Variants in NLGN1 observed in about 807,000 individuals in gnomAD.
NLGN1 encodes neuroligin 1, also known as neuroligin-1.
A neutral mutation model predicts 65.5 loss-of-function variants in NLGN1; 12 were observed. The ratio of observed to expected loss-of-function variants is 0.18; its 90% CI spans 0.12 to 0.30. NLGN1 has a LOEUF of 0.30. NLGN1 is among the 10% of genes least tolerant of loss of function. NLGN1 has a pLI of 1.00. For missense variants in NLGN1, 750 were observed against 1,007.1 expected, an observed-to-expected ratio of 0.74 and a Z score of 3.46; for synonymous variants, 350 against 359.5, an observed-to-expected ratio of 0.97 and a Z score of 0.30.
At chr3:173,835,888 A>G (rs981402427) in intron 4 of NLGN1, among the ~76,000 whole-genome samples, 1 of 152,168 alleles carries the variant, frequency 6.6e-6, no homozygotes, top group African/African-American at 2.4e-5. Flanking sequence ...ATATCTTTAT[A>G]TATACATTAG....
intron 4 of NLGN1, among the ~76,000 whole-genome samples, chr3:173,871,424 G>C (rs1033913898): frequency 1.1e-4 from 16 of 152,142 alleles, no homozygotes; most frequent in African/African-American, 3.9e-4. Flanking sequence ...TGTTTACTCA[G>C]TGAAGATTTT....
intron 4 of NLGN1, among the ~76,000 whole-genome samples, chr3:174,189,947 GTTT>G (rs1732077931): frequency 2.0e-5 from 3 of 151,948 alleles, no homozygotes; most frequent in Non-Finnish European, 4.4e-5. Flanking sequence ...TATTACAATT[GTTT>G]TACAAAAAGT....
intron 4 of NLGN1, among the ~76,000 whole-genome samples, chr3:173,890,977 G>A (rs906278739): frequency 6.6e-6 from 1 of 152,158 alleles, no homozygotes; most frequent in South Asian, 2.1e-4. Context: ...TTATCTTGAA[G>A]GGAATAATGT....
rs1032204302 is a variant in NLGN1, at chr3:173,722,910, T to C, written c.494-84770T>C. On this transcript the variant is annotated intron_variant, in intron 3 of 6. Coordinates refer to ENST00000457714, the Ensembl canonical transcript of NLGN1. ...ACAATAAATGAAAGAAAAATAAAAA[T>C]ATAAAACGTGGAAAAATTAATTTGA... 2.0e-5 allele frequency among the ~76,000 whole-genome samples: 3 copies of C among 152,120 alleles called. No individual in the cohort carries two copies. In the East Asian group the frequency reaches 5.8e-4, roughly 29 times the overall value.
chr3:173,933,026 A>G (rs1193765690), intron 4 of NLGN1, among the ~76,000 whole-genome samples: 1 of 152,186 alleles, frequency 6.6e-6, no homozygotes, highest in Non-Finnish European at 1.5e-5. Context: ...TCAAAGAATC[A>G]CAAGAAGTCC....
intron 5 of NLGN1, among the ~76,000 whole-genome samples, chr3:174,276,990 T>C (rs1390712233): frequency 6.6e-6 from 1 of 151,876 alleles, no homozygotes; most frequent in Non-Finnish European, 1.5e-5. Flanking sequence ...CGGGCATTGG[T>C]TTAAGAGATG....
intron 4 of NLGN1, among the ~76,000 whole-genome samples, chr3:173,878,317 G>T (rs565668611): frequency 6.6e-6 from 1 of 152,286 alleles, no homozygotes; most frequent in South Asian, 2.1e-4. Context: ...AGGGATTACA[G>T]GCGTGAGCCA....
At chr3:173,668,155 A>G (rs996149464) in intron 3 of NLGN1, among the ~76,000 whole-genome samples, 2 of 152,194 alleles carry the variant, frequency 1.3e-5, no homozygotes, top group African/African-American at 4.8e-5. Context: ...ATTTGTCCAG[A>G]TTATTATGAG....
chr3:173,857,072 T>C (rs1728132874), intron 4 of NLGN1, among the ~76,000 whole-genome samples: 1 of 151,500 alleles, frequency 6.6e-6, no homozygotes, highest in African/African-American at 2.4e-5. Flanking sequence ...ATTTCTTATG[T>C]AGCTCATCTT....
chr3:174,001,165 A>C (rs1322969251), intron 4 of NLGN1, among the ~76,000 whole-genome samples: 1 of 152,208 alleles, frequency 6.6e-6, no homozygotes, highest in Non-Finnish European at 1.5e-5. Flanking sequence ...GATGAGAGCA[A>C]AATTGAAATG....
chr3:174,233,353 G>T (rs781151549), intron 4 of NLGN1, among the ~76,000 whole-genome samples: 1 of 151,962 alleles, frequency 6.6e-6, no homozygotes. Flanking sequence ...GGGAGTGGTG[G>T]CGCATGCCTG....
At chr3:174,049,130 A>G (rs1214518307) in intron 4 of NLGN1, among the ~76,000 whole-genome samples, 1 of 152,098 alleles carries the variant, frequency 6.6e-6, no homozygotes. Flanking sequence ...GTATTTTTGA[A>G]TGTCAGAAAA....
intron 4 of NLGN1, among the ~76,000 whole-genome samples, chr3:174,241,209 A>C (rs1577533113): frequency 6.6e-6 from 1 of 152,006 alleles, no homozygotes; most frequent in African/African-American, 2.4e-5. Flanking sequence ...TTTTATTATA[A>C]CTCTCTGTAA....
chr3:173,833,433 T>A (rs1722980453), intron 4 of NLGN1, among the ~76,000 whole-genome samples: 1 of 152,224 alleles, frequency 6.6e-6, no homozygotes, highest in African/African-American at 2.4e-5. Context: ...GGTATTTTTT[T>A]AAATCTGTAC....
chr3:173,607,125 C>CCTTT (rs1428024053), intron 3 of NLGN1, among the ~76,000 whole-genome samples: 2 of 151,876 alleles, frequency 1.3e-5, no homozygotes, highest in Non-Finnish European at 2.9e-5. Flanking sequence ...GAGAAAGTGA[C>CCTTT]CTTTCTTCTC....
In NLGN1 at chr3:173,986,700, A is replaced by G. The variant is rs187774556; in HGVS notation, c.646+178868A>G. ...TCAGGTGCTTTGTTTCAGCAGCCCT[A>G]GCAAACTAATACAGCGTCTAGATGC... On this transcript the variant is annotated intron_variant, in intron 4 of 6. Coordinates refer to ENST00000457714, the Ensembl canonical transcript of NLGN1. Among the ~76,000 whole-genome samples the G allele has an allele frequency of 2.7e-4, 41 of 152,322 alleles. 1 individual carries two copies. The highest frequency in any genetic ancestry group is 1.5e-3 in the Admixed American group (23 of 15,292).
At chr3:173,930,504 T>C (rs1012094605) in intron 4 of NLGN1, among the ~76,000 whole-genome samples, 3 of 152,106 alleles carry the variant, frequency 2.0e-5, no homozygotes, top group Non-Finnish European at 4.4e-5. Flanking sequence ...CAGGGTTTCA[T>C]TGAAAATGAA....
chr3:174,100,331 G>A (rs1294294908), intron 4 of NLGN1, among the ~76,000 whole-genome samples: 1 of 151,428 alleles, frequency 6.6e-6, no homozygotes, highest in South Asian at 2.1e-4. Context: ...TCACCGTAAA[G>A]TATAATTATT....
intron 4 of NLGN1, among the ~76,000 whole-genome samples, chr3:174,103,169 A>T (rs563004585): frequency 7.9e-5 from 12 of 152,286 alleles, no homozygotes; most frequent in African/African-American, 2.9e-4. Context: ...AGTGAGTAAC[A>T]TTGCATTTTT....
Sources: gnomAD v4.1 joint callset for allele counts (sites outside exome capture counted in the v4.1 genomes callset) on GRCh38, gnomAD v4.1.1 for gene constraint, MANE v1.5 for transcripts, NCBI Gene and HGNC (gene_info 2026-07-23, HGNC 2026-07-21) for gene names.